The following VWA8 variants were observed in gnomAD, a reference collection of about 807,000 sequenced individuals.
The protein encoded by VWA8 is von Willebrand factor A domain-containing protein 8.
Under a neutral mutation model 241.5 loss-of-function variants are expected in VWA8, and 221 were observed. That is an observed-to-expected ratio of 0.91 (90% confidence interval 0.82 to 1.02). VWA8 has a LOEUF of 1.02. VWA8 is among the 50% of genes least tolerant of loss of function. The pLI, the probability that VWA8 is intolerant of heterozygous loss-of-function variation, is 0.00. For synonymous variants in VWA8, 852 were observed against 827.1 expected, an observed-to-expected ratio of 1.03 and a Z score of -0.52; for missense variants, 2,322 against 2,328.7, an observed-to-expected ratio of 1.00 and a Z score of 0.06.
At chr13:41,922,719 G>T (rs370497810) in intron 2 of VWA8, among the ~76,000 whole-genome samples, 12 of 152,102 alleles carry the variant, frequency 7.9e-5, no homozygotes, top group East Asian at 3.9e-4. Flanking sequence ...GAAATGCAAA[G>T]CAAAACCACA....
At position 41,685,340 on chromosome 13, in the gene VWA8, T is replaced by A. The variant is rs1323271533; in HGVS notation, c.4132-98A>T. The A allele has an allele frequency of 6.2e-6, 7 of 1,123,340 alleles. No homozygotes were observed. The Admixed American group carries it at 1.6e-4, about 26-fold the overall frequency. 69.6% of individuals were successfully genotyped at this position (1,123,340 alleles called of 1,614,324 possible). A position where few individuals can be genotyped will look rare whatever the true frequency, so the allele number is the denominator to read the frequency against. On this transcript the variant is annotated intron_variant, in intron 34 of 44. Coordinates refer to ENST00000379310, the MANE Select transcript of VWA8 (RefSeq NM_015058.2). The stretch of plus-strand genomic sequence containing the variant: ...CTTTAAGCAGATACTAGTGGGAAAC[T>A]AATGTTTCACAGGTATAAGAAAATC...
At position 41,689,390 on chromosome 13, in the gene VWA8, A is replaced by G. The variant is rs1449815772; in HGVS notation, c.4095T>C (p.Asn1365=). The stretch of plus-strand genomic sequence containing the variant: ...GAAAACCAACAACTATTGTAGCATA[A>G]TTTTTCTCATCTGAGAGAATTCTGT... The part of the protein sequence containing the change: ...SPNRILSDEK[N]YATIVVGFPD... Residue 1365 remains asparagine (N), a synonymous_variant, in exon 34 of 45, where the codon AAT becomes AAC. Transcript: ENST00000379310. 8 of 1,611,512 alleles carry G rather than the reference A, an allele frequency of 5.0e-6. No individual in the cohort carries two copies. The highest frequency in any genetic ancestry group is 2.2e-5 in the East Asian group (1 of 44,734).
At chr13:41,671,245 G>T (rs2137799093) in intron 36 of VWA8, 98 bp from the exon 37 acceptor site, 2 of 1,294,134 alleles carry the variant, frequency 1.5e-6, no homozygotes, top group African/African-American at 1.5e-5. Context: ...GAAAAAGTAT[G>T]CTCACACTAC....
intron 2 of VWA8, among the ~76,000 whole-genome samples, chr13:41,931,952 T>A (rs1877144432): frequency 6.6e-6 from 1 of 151,964 alleles, no homozygotes; most frequent in Non-Finnish European, 1.5e-5. Flanking sequence ...GAAAATAATA[T>A]TCATCATAGC....
intron 21 of VWA8, among the ~76,000 whole-genome samples, chr13:41,733,182 C>A (rs1263533366): frequency 6.6e-6 from 1 of 152,108 alleles, no homozygotes; most frequent in Non-Finnish European, 1.5e-5. Flanking sequence ...TTACTACAAT[C>A]TATTAAAATT....
At chr13:41,845,208 C>T (rs1274385305) in intron 12 of VWA8, among the ~76,000 whole-genome samples, 3 of 152,076 alleles carry the variant, frequency 2.0e-5, no homozygotes, top group African/African-American at 7.2e-5. Flanking sequence ...CTCAACATCA[C>T]TAATCATTAG....
At chr13:41,884,098 G>T (rs950175643) in intron 8 of VWA8, among the ~76,000 whole-genome samples, 2 of 152,166 alleles carry the variant, frequency 1.3e-5, no homozygotes, top group Non-Finnish European at 2.9e-5. Flanking sequence ...ATGATATGAA[G>T]TGTGATAATG....
At chr13:41,794,165 T>G (rs749400340) in intron 17 of VWA8, among the ~76,000 whole-genome samples, 24 of 152,174 alleles carry the variant, frequency 1.6e-4, no homozygotes, top group Non-Finnish European at 2.9e-4. Context: ...TTTTCCTAAT[T>G]CTGTGAAGAA....
intron 20 of VWA8, among the ~76,000 whole-genome samples, chr13:41,769,755 G>A (rs2045805527): frequency 6.6e-6 from 1 of 152,068 alleles, no homozygotes. Context: ...CTGCTTATTC[G>A]TGAAAGGTGG....
At chr13:41,951,602 T>C (rs999044570) in intron 1 of VWA8, among the ~76,000 whole-genome samples, 2 of 152,206 alleles carry the variant, frequency 1.3e-5, no homozygotes, top group African/African-American at 4.8e-5. Flanking sequence ...AAAATAGGCA[T>C]GGTGATACCA....
At chr13:41,731,490 A>C (rs190840129) in intron 22 of VWA8, among the ~76,000 whole-genome samples, 1 of 152,356 alleles carries the variant, frequency 6.6e-6, no homozygotes, top group Admixed American at 6.5e-5. Context: ...GATTGCTGTC[A>C]TTCTCTAAAT....
chr13:41,699,040 C>G (rs750043931), intron 29 of VWA8, 31 bp downstream of exon 29: 2 of 1,612,086 alleles, frequency 1.2e-6, no homozygotes, highest in Admixed American at 1.7e-5. Flanking sequence ...GTAAGTCATT[C>G]CTCACATAAT....
In VWA8 at chr13:41,696,239, A is replaced by G. The variant is rs2045215094; in HGVS notation, c.3564+2832T>C. 3 of 152,214 alleles carry G rather than the reference A, an allele frequency of 2.0e-5. No homozygotes were observed. The East Asian group carries it at 5.8e-4, about 29-fold the overall frequency. 9.4% of individuals were successfully genotyped at this position (152,214 alleles called of 1,614,324 possible). ...AGGAGAAAGTAAAAGTAAAAATAAA[A>G]AAGTGAAAACAAAATCAGAAAAATA... On this transcript the variant is annotated intron_variant, in intron 29 of 44. Coordinates refer to ENST00000379310, the MANE Select transcript of VWA8 (RefSeq NM_015058.2).
At chr13:41,778,171 A>T (rs143622943) in intron 19 of VWA8, 115 bp from the exon 20 acceptor site, 1 of 603,628 alleles carries the variant, frequency 1.7e-6, no homozygotes, top group East Asian at 3.8e-5. Context: ...AACAATTATC[A>T]ATCGATTTGA....
intron 21 of VWA8, among the ~76,000 whole-genome samples, chr13:41,749,569 G>C (rs1041858688): frequency 2.0e-5 from 3 of 151,334 alleles, no homozygotes; most frequent in African/African-American, 7.4e-5. Context: ...TGTTTACTGC[G>C]GCACCACTCA....
At position 41,868,310 on chromosome 13, in the gene VWA8, G is replaced by T. The variant is rs991120588; in HGVS notation, c.1212+36C>A. The stretch of plus-strand genomic sequence containing the variant: ...AGGTCATAAAAACAGGCAGAATAAG[G>T]TATATCATAGAAAGAATAAACCTGT... On this transcript the variant is annotated intron_variant, in intron 10 of 44. Transcript: ENST00000379310. 25 of 1,610,934 alleles carry T rather than the reference G, an allele frequency of 1.6e-5. No individual in the cohort carries two copies. In the African/African-American group the frequency reaches 2.7e-4, roughly 17 times the overall value.
chr13:41,810,736 T>C (rs1201072247), intron 17 of VWA8, among the ~76,000 whole-genome samples: 2 of 152,068 alleles, frequency 1.3e-5, no homozygotes, highest in African/African-American at 4.8e-5. Flanking sequence ...CAATTTATTG[T>C]TCATTTTTAA....
rs771797470 is a variant in VWA8 at position 41,886,766 on chromosome 13, T to C, written c.866+15A>G. The C allele has an allele frequency of 1.6e-5, 26 of 1,582,890 alleles. No homozygotes were observed. The highest frequency in any genetic ancestry group is 3.9e-5 in the Admixed American group (2 of 51,922). On this transcript the variant is annotated intron_variant, in intron 7 of 44. Transcript: ENST00000379310. ...TCAATATTCAGTGTCCAGACATTTA[T>C]AAAAATATACTTACTTCTCAGCAGA...
chr13:41,605,896 A>G (rs1439798510), intron 39 of VWA8, among the ~76,000 whole-genome samples: 4 of 152,142 alleles, frequency 2.6e-5, no homozygotes, highest in African/African-American at 7.2e-5. Flanking sequence ...TTGAAATTCT[A>G]TCTTCCCAGT....
Sources: gnomAD v4.1 joint callset for allele counts (sites outside exome capture counted in the v4.1 genomes callset) on GRCh38, gnomAD v4.1.1 for gene constraint, MANE v1.5 for transcripts, NCBI Gene and HGNC (gene_info 2026-07-23, HGNC 2026-07-21) for gene names.